LRRC56: variants seen among roughly 807,000 people sequenced by gnomAD.
The protein encoded by LRRC56 is leucine rich repeat containing 56.
LRRC56 carries 41 observed loss-of-function variants against 47.8 expected under a neutral mutation model. That is an observed-to-expected ratio of 0.86 (90% CI 0.67 to 1.11). LRRC56 has a LOEUF of 1.11. Ranked by LOEUF, LRRC56 falls within the 50% of genes most tolerant of loss-of-function variation. LRRC56 has a pLI of 0.00. For synonymous variants in LRRC56, 387 were observed against 311.2 expected (o/e 1.24, Z -2.56); for missense variants, 759 against 704.2 (o/e 1.08, Z -0.88).
At chr11:524,327 A>C in the LRRC56 span, among the ~76,000 whole-genome samples, 4 of 152,202 alleles carry the variant, frequency 2.6e-5, no homozygotes, top group African/African-American at 9.6e-5. Flanking sequence ...TACACAAGCA[A>C]TTCAGTAGAG....
intron 13 of LRRC56, 132 bp from the exon 14 acceptor site, chr11:553,831 G>A: frequency 1.3e-6 from 1 of 741,236 alleles, no homozygotes; most frequent in Admixed American, 2.4e-5. Flanking sequence ...GTGCAGGGGT[G>A]CTGCTGCCTG....
Position 554,743 on chromosome 11 carries a change from G to A in LRRC56, c.*467G>A. 1 of 482,830 alleles carries A rather than the reference G, an allele frequency of 2.1e-6. No homozygotes were observed. Among genetic ancestry groups the A allele is most frequent in the Non-Finnish European group, 3.7e-6 (1 of 272,252 alleles). 29.9% of individuals were successfully genotyped at this position (482,830 alleles called of 1,614,324 possible). A position where few individuals can be genotyped will look rare whatever the true frequency, so the allele number is the denominator to read the frequency against. On this transcript the variant is annotated 3_prime_UTR_variant, in exon 14 of 14. Transcript: ENST00000270115. ...TGAGGCCGCCGGGGGTGCGGTCCAG[G>A]CCTCCCGTCTCCGGGGGATCTGTAG...
At chr11:521,731 G>A in the LRRC56 span, among the ~76,000 whole-genome samples, 4 of 152,108 alleles carry the variant, frequency 2.6e-5, no homozygotes, top group African/African-American at 4.8e-5. Flanking sequence ...TGGCTAACAC[G>A]ATGAAACCCC....
the LRRC56 span, among the ~76,000 whole-genome samples, chr11:507,617 G>C: frequency 6.6e-6 from 1 of 152,192 alleles, no homozygotes; most frequent in East Asian, 1.9e-4. Context: ...GGCGCGGGTC[G>C]GGCCTTGCTG....
chr11:533,727 G>C (rs377442252), upstream of LRRC56: 201 of 1,612,070 alleles, frequency 1.2e-4, no homozygotes, highest in Non-Finnish European at 1.6e-4. Flanking sequence ...GGCCCCACCT[G>C]TGCGGCGTGG....
Position 551,683 on chromosome 11 carries a change from G to C in LRRC56, c.829G>C (p.Asp277His). The C allele has an allele frequency of 6.2e-7, 1 of 1,600,030 alleles. No homozygotes were observed. The highest frequency in any genetic ancestry group is 1.1e-5 in the South Asian group (1 of 89,712). The part of the protein sequence containing the change: ...CPRGAPIRRL[D>H]PELSLPETQS... ...CCGTGGAGCCCCCATCCGGAGACTT[G>C]ACCCCGAGCTGTCCCTGCCTGAGAC... Residue 277 changes from aspartate to histidine, a missense_variant, in exon 10 of 14, where the codon GAC (aspartate) becomes CAC (histidine). Transcript: ENST00000270115.
At chr11:537,056 C>T (rs1026634819), upstream of LRRC56, 1 of 152,268 alleles carries the variant, frequency 6.6e-6, no homozygotes. Flanking sequence ...CTCGGGGGCG[C>T]TTCCCCCGGT....
the LRRC56 span, among the ~76,000 whole-genome samples, chr11:513,844 A>G: frequency 1.3e-5 from 2 of 151,644 alleles, no homozygotes; most frequent in African/African-American, 2.4e-5. Context: ...AAAAGGAAGA[A>G]ATTGCCACAG....
chr11:522,809 C>T, the LRRC56 span, among the ~76,000 whole-genome samples: 7 of 152,110 alleles, frequency 4.6e-5, no homozygotes, highest in African/African-American at 1.4e-4. Flanking sequence ...AGTGCAGTGG[C>T]GCAATCTCGG....
In LRRC56 at chr11:554,316, G is replaced by A. The variant is rs376875419; in HGVS notation, c.*40G>A. 73 of 1,452,112 alleles carry A rather than the reference G, an allele frequency of 5.0e-5. No individual in the cohort carries two copies. Among genetic ancestry groups the A allele is most frequent in the Non-Finnish European group, 6.3e-5 (70 of 1,102,450 alleles). The allele number at this position is 1,452,112 out of a possible 1,614,324, so 90.0% of individuals were successfully genotyped here. ...CCAGGCTTCCCTGTGCTGGGGCCACGACTTGCCCACATATGTGGTCACAGA... is the reference window on the plus strand; with the variant it reads ...CCAGGCTTCCCTGTGCTGGGGCCACAACTTGCCCACATATGTGGTCACAGA... On this transcript the variant is annotated 3_prime_UTR_variant, in exon 14 of 14. Coordinates refer to ENST00000270115, the MANE Select transcript of LRRC56 (RefSeq NM_198075.4).
chr11:521,382 C>T, the LRRC56 span, among the ~76,000 whole-genome samples: 2 of 152,184 alleles, frequency 1.3e-5, no homozygotes, highest in African/African-American at 4.8e-5. Context: ...GATCACAGGT[C>T]ACTGCAGTCT....
chr11:512,782 A>G, the LRRC56 span, among the ~76,000 whole-genome samples: 1 of 152,358 alleles, frequency 6.6e-6, no homozygotes. Flanking sequence ...GATTAACTCA[A>G]TGCTACGTCG....
At chr11:526,126 G>A in the LRRC56 span, among the ~76,000 whole-genome samples, 7 of 151,592 alleles carry the variant, frequency 4.6e-5, no homozygotes, top group East Asian at 1.4e-3. Flanking sequence ...AGAATCGCTT[G>A]AAACTGTGAG....
intron 3 of LRRC56, among the ~76,000 whole-genome samples, chr11:539,952 C>G (rs1851714478): frequency 6.6e-6 from 1 of 152,220 alleles, no homozygotes; most frequent in South Asian, 2.1e-4. Flanking sequence ...ACACCTGACT[C>G]TCTTCCTCCT....
chr11:511,037 A>C, the LRRC56 span, among the ~76,000 whole-genome samples: 1 of 152,096 alleles, frequency 6.6e-6, no homozygotes, highest in Non-Finnish European at 1.5e-5. Context: ...ATGGGAAAAC[A>C]CTGGCCCGGC....
chr11:507,028 C>G, the LRRC56 span: 1 of 152,270 alleles, frequency 6.6e-6, no homozygotes, highest in African/African-American at 2.4e-5. Flanking sequence ...CTCAATAGCG[C>G]CAGGCCCGCG....
the LRRC56 span, among the ~76,000 whole-genome samples, chr11:511,451 G>A: frequency 6.6e-6 from 1 of 152,182 alleles, no homozygotes; most frequent in African/African-American, 2.4e-5. Flanking sequence ...AACTGACAAT[G>A]ACCAGCTGAA....
chr11:551,911 C>G lies in LRRC56; in HGVS notation c.982C>G (p.Gln328Glu), dbSNP rs1386292387. 2 of 1,612,678 alleles carry G rather than the reference C, an allele frequency of 1.2e-6. No individual in the cohort carries two copies. Among genetic ancestry groups the G allele is most frequent in the Non-Finnish European group, 1.7e-6 (2 of 1,179,900 alleles). Reference sequence around the variant, plus strand: ...CATGCTGTCTCTTGCAGGTGCTGGCCAAGTCCTCTGTGGGAACCCCACCAA... The same window carrying G: ...CATGCTGTCTCTTGCAGGTGCTGGCGAAGTCCTCTGTGGGAACCCCACCAA... ...NTSSLTHGAG[Q>E]VLCGNPTKGL... Residue 328 changes from glutamine to glutamate, a missense_variant, in exon 11 of 14, where the codon CAA becomes GAA. By Grantham distance (29) the Gln-to-Glu change is conservative (BLOSUM62 2). Transcript: ENST00000270115.
In LRRC56 at chr11:554,733, T is replaced by G; in HGVS notation, c.*457T>G. On this transcript the variant is annotated 3_prime_UTR_variant, in exon 14 of 14. Coordinates refer to ENST00000270115, the MANE Select transcript of LRRC56 (RefSeq NM_198075.4). ...GCTGCTCGCCTGAGGCCGCCGGGGG[T>G]GCGGTCCAGGCCTCCCGTCTCCGGG... 1 of 451,462 alleles carries G rather than the reference T, an allele frequency of 2.2e-6. No individual in the cohort carries two copies. Among genetic ancestry groups the G allele is most frequent in the Non-Finnish European group, 3.9e-6 (1 of 253,430 alleles). 28.0% of individuals were successfully genotyped at this position (451,462 alleles called of 1,614,324 possible). A position where few individuals can be genotyped will look rare whatever the true frequency, so the allele number is the denominator to read the frequency against.
Sources: allele counts gnomAD v4.1 joint callset (sites outside exome capture counted in the v4.1 genomes callset), GRCh38; gene constraint gnomAD v4.1.1; transcripts MANE v1.5; gene names NCBI Gene and HGNC (gene_info 2026-07-23, HGNC 2026-07-21).